Variants in THEMIS observed in about 807,000 individuals in gnomAD.
THEMIS encodes the protein thymocyte selection associated.
In THEMIS, 37 loss-of-function variants were observed where a neutral mutation model predicts 52.6. That is an observed-to-expected ratio of 0.70 (90% CI 0.54 to 0.93). THEMIS has a LOEUF of 0.93. Among genes scored for constraint, THEMIS ranks in the 40% least tolerant of loss-of-function variants. The pLI, the probability that THEMIS is intolerant of heterozygous loss-of-function variation, is 0.00. For synonymous variants in THEMIS, 292 were observed against 272.7 expected, an observed-to-expected ratio of 1.07 and a Z score of -0.70; for missense variants, 808 against 763.1, an observed-to-expected ratio of 1.06 and a Z score of -0.69.
At chr6:127,773,386 T>C (rs963535785) in intron 4 of THEMIS, among the ~76,000 whole-genome samples, 2 of 152,194 alleles carry the variant, frequency 1.3e-5, no homozygotes, top group Non-Finnish European at 2.9e-5. Context: ...TTTTAGAGAG[T>C]ATTTGAACGT....
intron 1 of THEMIS, among the ~76,000 whole-genome samples, chr6:127,857,757 T>C (rs1307844596): frequency 1.3e-5 from 2 of 152,022 alleles, no homozygotes; most frequent in African/African-American, 2.4e-5. Flanking sequence ...CTAGATGATT[T>C]ATAAGGACAT....
chr6:127,873,889 C>A (rs1394435717), intron 1 of THEMIS, among the ~76,000 whole-genome samples: 2 of 152,136 alleles, frequency 1.3e-5, no homozygotes, highest in African/African-American at 4.8e-5. Context: ...TTTATTGATA[C>A]CATAAGTTTA....
At chr6:127,903,879 G>A (rs374327542), upstream of THEMIS, among the ~76,000 whole-genome samples, 2 of 151,992 alleles carry the variant, frequency 1.3e-5, no homozygotes, top group Non-Finnish European at 2.9e-5. Context: ...TCTACCAAAG[G>A]CACCTAGAAG....
chr6:127,763,353 G>T (rs887437366), intron 4 of THEMIS, among the ~76,000 whole-genome samples: 3 of 151,942 alleles, frequency 2.0e-5, no homozygotes, highest in Admixed American at 2.0e-4. Context: ...CAATATTCGT[G>T]TTGTGGCTAT....
chr6:127,699,756 C>CAGGA, the THEMIS span, among the ~76,000 whole-genome samples: 70,746 of 151,050 alleles, frequency 0.47, 17,771 homozygotes, highest in Non-Finnish European at 0.58. Context: ...AAAATAAAGG[C>CAGGA]AGGAAGAATA....
chr6:127,798,318 C>T (rs1777400662), intron 4 of THEMIS, among the ~76,000 whole-genome samples: 1 of 152,050 alleles, frequency 6.6e-6, no homozygotes, highest in African/African-American at 2.4e-5. Flanking sequence ...TAAAAGATCA[C>T]TGAAAATGAC....
At chr6:127,864,152 T>C in intron 1 of THEMIS, among the ~76,000 whole-genome samples, 1 of 152,158 alleles carries the variant, frequency 6.6e-6, no homozygotes, top group Middle Eastern at 3.4e-3. Context: ...TTCATATGAA[T>C]ATAAGAGTCA....
intron 4 of THEMIS, among the ~76,000 whole-genome samples, chr6:127,798,049 G>A (rs914724409): frequency 2.0e-5 from 3 of 152,170 alleles, no homozygotes; most frequent in African/African-American, 7.2e-5. Flanking sequence ...GTGTTCATAC[G>A]TCACTTTATC....
At chr6:127,877,481 C>T (rs1780348735) in intron 1 of THEMIS, among the ~76,000 whole-genome samples, 2 of 152,056 alleles carry the variant, frequency 1.3e-5, no homozygotes, top group Non-Finnish European at 2.9e-5. Flanking sequence ...TTCACTTGAA[C>T]ATTTAAGAGG....
chr6:127,906,897 G>A (rs149726435), intron 1 of THEMIS, among the ~76,000 whole-genome samples: 2,651 of 151,710 alleles, frequency 0.017, 86 homozygotes, highest in African/African-American at 0.06. Flanking sequence ...TCGTTTGTTA[G>A]ATTCTCTATA....
chr6:127,902,000 G>T (rs1470947838), upstream of THEMIS, among the ~76,000 whole-genome samples: 1 of 151,944 alleles, frequency 6.6e-6, no homozygotes, highest in Non-Finnish European at 1.5e-5. Flanking sequence ...AAAGGTGGTA[G>T]TTCCTAAGTC....
Position 127,776,037 on chromosome 6 carries a change from T to C in THEMIS, c.1758+36846A>G, listed in dbSNP as rs181978923. On this transcript the variant is annotated intron_variant, in intron 4 of 5. Transcript: ENST00000368248. ...CCTTGTGATTTTTGTCTTTGACCCA[T>C]GTATTCTTTAAAAGTATATTGAACA... Among the ~76,000 whole-genome samples the C allele has an allele frequency of 2.0e-5, 3 of 152,274 alleles. No individual in the cohort carries two copies. The East Asian group carries it at 5.8e-4, about 29-fold the overall frequency.
chr6:127,803,435 T>G (rs2114570402), intron 4 of THEMIS, among the ~76,000 whole-genome samples: 1 of 152,310 alleles, frequency 6.6e-6, no homozygotes, highest in South Asian at 2.1e-4. Context: ...ATTATTAAAG[T>G]GTTCATTATT....
At chr6:127,787,260 A>T (rs991142384) in intron 4 of THEMIS, among the ~76,000 whole-genome samples, 65 of 151,654 alleles carry the variant, frequency 4.3e-4, no homozygotes, top group African/African-American at 1.5e-3. Flanking sequence ...GCACTCTAGC[A>T]TGCACATGTG....
intron 1 of THEMIS, among the ~76,000 whole-genome samples, chr6:127,858,902 G>T (rs144893705): frequency 1.3e-5 from 2 of 152,232 alleles, no homozygotes; most frequent in African/African-American, 4.8e-5. Context: ...TGTAATGAAA[G>T]AGCCATGTGC....
In THEMIS at chr6:127,755,908, T is replaced by C. The variant is rs139060397; in HGVS notation, c.1759-36085A>G. On this transcript the variant is annotated intron_variant, in intron 4 of 5. Transcript: ENST00000368248. ...CCAGCATGGTGGTGCATGGCTGTACTCCCAGCTACTCAGGAGACTGAGAAA... is the reference window on the plus strand; with the variant it reads ...CCAGCATGGTGGTGCATGGCTGTACCCCCAGCTACTCAGGAGACTGAGAAA... 3.4e-3 allele frequency among the ~76,000 whole-genome samples: 521 copies of C among 151,954 alleles called. 3 individuals carry two copies. Among genetic ancestry groups the C allele is most frequent in the African/African-American group, 0.012 (483 of 41,408 alleles).
intron 4 of THEMIS, among the ~76,000 whole-genome samples, chr6:127,788,234 C>T (rs573696790): frequency 6.0e-4 from 91 of 152,308 alleles, no homozygotes; most frequent in African/African-American, 2.1e-3. Flanking sequence ...TGCTATTCAA[C>T]CCTACTTTAA....
chr6:127,754,374 T>C (rs148315263), intron 4 of THEMIS, among the ~76,000 whole-genome samples: 42 of 152,270 alleles, frequency 2.8e-4, no homozygotes, highest in African/African-American at 9.1e-4. Context: ...GTGAAATATG[T>C]TTACAGTTGA....
rs1167195692 is a variant in THEMIS, at chr6:127,784,990, TC to T, written c.1758+27892del. ...ATCTATCTATCTATCTATCTATCTA[TC>T]TATCTATCTATCTATTATCTATCTA... On this transcript the variant is annotated intron_variant, in intron 4 of 5. Transcript: ENST00000368248. Among the ~76,000 whole-genome samples the T allele has an allele frequency of 1.8e-3, 229 of 124,220 alleles. 1 individual carries two copies. The highest frequency in any genetic ancestry group is 6.8e-3 in the African/African-American group (214 of 31,528). The allele number at this position is 124,220 out of a possible 152,430, so 81.5% of individuals were successfully genotyped here.
Sources: allele counts gnomAD v4.1 joint callset (sites outside exome capture counted in the v4.1 genomes callset), GRCh38; gene constraint gnomAD v4.1.1; transcripts MANE v1.5; gene names NCBI Gene and HGNC (gene_info 2026-07-23, HGNC 2026-07-21).